Variants in SLC30A8 observed in about 807,000 individuals in gnomAD.
SLC30A8 encodes solute carrier family 30 member 8.
Under a neutral mutation model 36.9 loss-of-function variants are expected in SLC30A8, and 27 were observed. The ratio of observed to expected loss-of-function variants is 0.73; its 90% CI spans 0.54 to 1.01. SLC30A8 has a LOEUF of 1.01. Among genes scored for constraint, SLC30A8 ranks in the 50% least tolerant of loss-of-function variants. SLC30A8 has a pLI of 0.00. For synonymous variants in SLC30A8, 164 were observed against 172.4 expected, an observed-to-expected ratio of 0.95 and a Z score of 0.38; for missense variants, 439 against 452.0, an observed-to-expected ratio of 0.97 and a Z score of 0.26.
intron 1 of SLC30A8, among the ~76,000 whole-genome samples, chr8:117,010,989 G>A (rs1816325809): frequency 6.6e-6 from 1 of 152,174 alleles, no homozygotes; most frequent in Non-Finnish European, 1.5e-5. Context: ...AGTTTGACAT[G>A]AGATTTGTGC....
At chr8:117,097,628 A>T (rs1318629828) in intron 2 of SLC30A8, among the ~76,000 whole-genome samples, 7 of 93,378 alleles carry the variant, frequency 7.5e-5, no homozygotes, top group Admixed American at 1.6e-4. Context: ...AATATATATT[A>T]TATATAATAT....
chr8:117,090,170 G>A (rs1819051525), intron 2 of SLC30A8, among the ~76,000 whole-genome samples: 1 of 151,978 alleles, frequency 6.6e-6, no homozygotes, highest in Non-Finnish European at 1.5e-5. Context: ...CACCATATTG[G>A]CCAGGCTGGT....
At chr8:116,973,511 A>G (rs1814865000) in intron 1 of SLC30A8, among the ~76,000 whole-genome samples, 1 of 152,222 alleles carries the variant, frequency 6.6e-6, no homozygotes, top group Non-Finnish European at 1.5e-5. Flanking sequence ...AGGGAGAACT[A>G]CAAACCGCTG....
chr8:116,969,903 C>G (rs1013364430), intron 1 of SLC30A8, among the ~76,000 whole-genome samples: 1 of 152,084 alleles, frequency 6.6e-6, no homozygotes, highest in African/African-American at 2.4e-5. Context: ...TTACTGTATA[C>G]TCCCATAGAC....
chr8:117,006,895 G>C (rs1247890399), intron 1 of SLC30A8: 1 of 138,090 alleles, frequency 7.2e-6, no homozygotes, highest in Non-Finnish European at 1.5e-5. Flanking sequence ...TGATTCTCCT[G>C]CTTCAGCCTC....
chr8:117,018,601 G>A (rs919278584), intron 1 of SLC30A8, among the ~76,000 whole-genome samples: 2 of 150,728 alleles, frequency 1.3e-5, no homozygotes, highest in African/African-American at 4.9e-5. Context: ...GCACTGTTGC[G>A]TTTGATAGTG....
intron 1 of SLC30A8, among the ~76,000 whole-genome samples, chr8:116,958,831 T>C: frequency 6.7e-6 from 1 of 149,666 alleles, no homozygotes; most frequent in African/African-American, 2.5e-5. Context: ...AGCCCACTGA[T>C]GCTCTTTTCA....
At chr8:117,082,579 C>T (rs1177667752) in intron 2 of SLC30A8, among the ~76,000 whole-genome samples, 1 of 151,988 alleles carries the variant, frequency 6.6e-6, no homozygotes, top group Non-Finnish European at 1.5e-5. Flanking sequence ...GGATATTGAT[C>T]ATGATGATGT....
Position 117,112,425 on chromosome 8 carries a change from C to G in SLC30A8, c.-225-22855C>G, listed in dbSNP as rs183276473. ...TTGAAGTACAGCCCCTGCCAATTCA[C>G]CACACAGGAGGGGTGAACAGTTAAA... is the stretch of plus-strand genomic sequence containing the variant. On this transcript the variant is annotated intron_variant, in intron 2 of 10. Transcript: ENST00000427715. 1.5e-3 allele frequency among the ~76,000 whole-genome samples: 227 copies of G among 152,168 alleles called. 1 individual carries two copies. Among genetic ancestry groups the G allele is most frequent in the Non-Finnish European group, 2.6e-3 (179 of 68,004 alleles).
intron 2 of SLC30A8, among the ~76,000 whole-genome samples, chr8:117,075,352 G>C (rs1818457033): frequency 6.6e-6 from 1 of 152,116 alleles, no homozygotes. Flanking sequence ...AGTACTATAG[G>C]TTTAACTTTT....
intron 1 of SLC30A8, among the ~76,000 whole-genome samples, chr8:116,954,145 T>G (rs2130574808): frequency 6.6e-6 from 1 of 152,250 alleles, no homozygotes; most frequent in Admixed American, 6.5e-5. Context: ...ATAATGAAGA[T>G]AATGCCCTCA....
chr8:117,140,852 A>T (rs1821619104), intron 1 of SLC30A8, among the ~76,000 whole-genome samples: 1 of 152,120 alleles, frequency 6.6e-6, no homozygotes, highest in African/African-American at 2.4e-5. Flanking sequence ...GGGTAATTAT[A>T]AAAGACAAAT....
chr8:116,959,203 A>G (rs757609103), intron 1 of SLC30A8, among the ~76,000 whole-genome samples: 9 of 151,858 alleles, frequency 5.9e-5, no homozygotes, highest in African/African-American at 1.9e-4. Context: ...AGTGGTTTCT[A>G]TTGCCATATC....
chr8:117,060,977 A>G (rs1023574836), intron 2 of SLC30A8, among the ~76,000 whole-genome samples: 27 of 151,980 alleles, frequency 1.8e-4, no homozygotes, highest in African/African-American at 5.8e-4. Flanking sequence ...TTGAGCAATA[A>G]TTGGGGTTTC....
At chr8:117,011,597 C>T (rs1043321047) in intron 1 of SLC30A8, among the ~76,000 whole-genome samples, 6 of 152,156 alleles carry the variant, frequency 3.9e-5, no homozygotes, top group East Asian at 3.9e-4. Flanking sequence ...ATTTAGAGTT[C>T]GTGGTGGACC....
chr8:117,161,702 C>T (rs201272819), intron 4 of SLC30A8, 36 bp from the exon 5 acceptor site: 5 of 1,584,006 alleles, frequency 3.2e-6, no homozygotes, highest in Non-Finnish European at 3.4e-6. Context: ...TTAAGACTGA[C>T]CTCATGTGTG....
intron 1 of SLC30A8, among the ~76,000 whole-genome samples, chr8:116,957,615 C>T (rs551177872): frequency 9.2e-5 from 14 of 152,244 alleles, no homozygotes; most frequent in African/African-American, 2.9e-4. Flanking sequence ...CCCCTTCCCC[C>T]TGCAATGGGT....
rs1823553632 is a variant in SLC30A8, at chr8:117,174,274, C to G, written c.*1593C>G. ...AATGACTCTGAGGCTATATCTGGGCCTTGTCATTATTTATCATTTATATTT... is the reference window on the plus strand; with the variant it reads ...AATGACTCTGAGGCTATATCTGGGCGTTGTCATTATTTATCATTTATATTT... On this transcript the variant is annotated 3_prime_UTR_variant, in exon 8 of 8. Transcript: ENST00000456015. The G allele has an allele frequency of 6.6e-6, 1 of 152,028 alleles. No individual in the cohort carries two copies. The highest frequency in any genetic ancestry group is 2.4e-5 in the African/African-American group (1 of 41,408). 9.4% of individuals were successfully genotyped at this position (152,028 alleles called of 1,614,324 possible).
At chr8:116,977,141 C>CTTTTTTTTTTTTTTTTTTTTTTTTGTT (rs71305451) in intron 1 of SLC30A8, among the ~76,000 whole-genome samples, 2 of 59,094 alleles carry the variant, frequency 3.4e-5, no homozygotes, top group Non-Finnish European at 5.6e-5. Context: ...CTTTTTCTTG[C>CTTTTTTTTTTTTTTTTTTTTTTTTGTT]TTTTTTTTTT....
Sources: gnomAD v4.1 joint callset for allele counts (sites outside exome capture counted in the v4.1 genomes callset) on GRCh38, gnomAD v4.1.1 for gene constraint, MANE v1.5 for transcripts, NCBI Gene and HGNC (gene_info 2026-07-23, HGNC 2026-07-21) for gene names.